The following SLC20A1 variants were observed in gnomAD, a reference collection of about 807,000 sequenced individuals.
SLC20A1 encodes the protein sodium-dependent phosphate transporter 1.
SLC20A1 carries 28 observed loss-of-function variants against 62.7 expected under a neutral mutation model. The observed-to-expected ratio is 0.45, with a 90% CI of 0.33 to 0.61. The LOEUF is 0.61. Ranked by LOEUF, SLC20A1 falls within the 20% of genes least tolerant of loss-of-function variation. SLC20A1 has a pLI of 0.02. For missense variants in SLC20A1, 673 were observed against 838.6 expected (o/e 0.80, Z 2.44); for synonymous variants, 305 against 302.9 (o/e 1.01, Z -0.07).
At position 112,660,468 on chromosome 2, in the gene SLC20A1, G is replaced by T; in HGVS notation, c.1689G>T (p.Trp563Cys). ...CTTCAAAAGTGGCAACACCAATATG[G>T]CTTCTACTCTATGGTGGTGTTGGTA... is the stretch of plus-strand genomic sequence containing the variant. ...DVSSKVATPIWLLLYGGVGIC... is the reference protein window; with the variant it reads ...DVSSKVATPICLLLYGGVGIC... The change falls in exon 9 of 11, where the codon TGG (tryptophan) becomes TGT (cysteine). Residue 563 changes from tryptophan to cysteine, a missense_variant. Transcript: ENST00000272542. The T allele has an allele frequency of 2.5e-6, 4 of 1,614,188 alleles. No homozygotes were observed. Among genetic ancestry groups the T allele is most frequent in the Non-Finnish European group, 3.4e-6 (4 of 1,180,008 alleles).
chr2:112,649,227 A>C (rs1037933367), intron 4 of SLC20A1, among the ~76,000 whole-genome samples: 8 of 152,234 alleles, frequency 5.3e-5, no homozygotes, highest in Non-Finnish European at 7.3e-5. Flanking sequence ...AGATACGGTA[A>C]CTGATTTCTT....
intron 3 of SLC20A1, 62 bp downstream of exon 3, chr2:112,647,526 G>T: frequency 6.3e-7 from 1 of 1,592,168 alleles, no homozygotes; most frequent in Non-Finnish European, 8.6e-7. Context: ...CATGGCATTA[G>T]GTATGGGAGG....
chr2:112,652,127 G>A (rs1050800293), intron 4 of SLC20A1: 1 of 152,922 alleles, frequency 6.5e-6, no homozygotes, highest in African/African-American at 2.4e-5. Context: ...CCTATATTTC[G>A]GTGCCCAGAA....
chr2:112,656,356 C>G (rs1686585754), intron 5 of SLC20A1, among the ~76,000 whole-genome samples: 1 of 151,848 alleles, frequency 6.6e-6, no homozygotes, highest in Non-Finnish European at 1.5e-5. Flanking sequence ...ACCACCATGC[C>G]CGGCTAATTT....
At chr2:112,662,172 C>T (rs1686766784) in intron 10 of SLC20A1, among the ~76,000 whole-genome samples, 1 of 152,182 alleles carries the variant, frequency 6.6e-6, no homozygotes, top group South Asian at 2.1e-4. Context: ...CATCATGGAT[C>T]CTGCTGAGTC....
intron 4 of SLC20A1, chr2:112,652,477 T>A: frequency 3.5e-6 from 2 of 567,746 alleles, no homozygotes; most frequent in Non-Finnish European, 6.2e-6. Context: ...GTACAGTTAG[T>A]CTTGTTATTA....
chr2:112,662,509 G>A (rs1217374386), intron 10 of SLC20A1, among the ~76,000 whole-genome samples: 3 of 152,234 alleles, frequency 2.0e-5, no homozygotes, highest in African/African-American at 4.8e-5. Flanking sequence ...GAAACCAGGA[G>A]GTGGAGGTTG....
chr2:112,652,511 G>A (rs1043816432), intron 4 of SLC20A1, 191 bp from the exon 5 acceptor site: 5 of 587,198 alleles, frequency 8.5e-6, no homozygotes, highest in Admixed American at 3.2e-5. Context: ...AAAAAAACAG[G>A]TAGAAGTTGG....
chr2:112,647,563 C>G, intron 3 of SLC20A1, 90 bp from the exon 4 acceptor site: 3 of 1,576,822 alleles, frequency 1.9e-6, no homozygotes, highest in Non-Finnish European at 2.6e-6. Context: ...AGGGACAGAC[C>G]CAAGAATTTT....
At position 112,663,179 on chromosome 2, in the gene SLC20A1, T is replaced by C; in HGVS notation, c.*154T>C. The C allele has an allele frequency of 1.1e-6, 1 of 890,134 alleles. No homozygotes were observed. Among genetic ancestry groups the C allele is most frequent in the Non-Finnish European group, 1.9e-6 (1 of 535,032 alleles). The allele number at this position is 890,134 out of a possible 1,614,324, so 55.1% of individuals were successfully genotyped here. A position where few individuals can be genotyped will look rare whatever the true frequency, so the allele number is the denominator to read the frequency against. On this transcript the variant is annotated 3_prime_UTR_variant, in exon 11 of 11. Transcript: ENST00000272542. The stretch of plus-strand genomic sequence containing the variant: ...AGTGTTACTTGTGCTATAACTGCTT[T>C]TGTGCTAAATATGAATTGTCTCAAA...
chr2:112,647,548 C>T (rs944903546), intron 3 of SLC20A1, 84 bp downstream of exon 3: 13 of 1,578,014 alleles, frequency 8.2e-6, no homozygotes, highest in Admixed American at 3.4e-5. Flanking sequence ...TGTGTTCTAA[C>T]GTCGAGGGAC....
chr2:112,657,059 T>G, intron 5 of SLC20A1, 63 bp from the exon 6 acceptor site: 1 of 1,606,096 alleles, frequency 6.2e-7, no homozygotes, highest in Non-Finnish European at 8.5e-7. Flanking sequence ...AGAGGAGGGT[T>G]TACACAATAT....
chr2:112,652,574 G>A (rs1383486587), intron 4 of SLC20A1, 128 bp from the exon 5 acceptor site: 12 of 699,524 alleles, frequency 1.7e-5, no homozygotes, highest in Non-Finnish European at 2.9e-5. Context: ...AAACTCTGTT[G>A]TCCTTGGAAA....
Position 112,647,731 on chromosome 2 carries a change from T to G in SLC20A1, c.554T>G (p.Leu185Arg). 5 of 1,613,126 alleles carry G rather than the reference T, an allele frequency of 3.1e-6. No homozygotes were observed. The highest frequency in any genetic ancestry group is 4.2e-6 in the Non-Finnish European group (5 of 1,179,054). ...ILFFLVRAFI[L>R]HKADPVPNGL... ...TTCTTCCTGGTTCGTGCATTCATCC[T>G]CCATAAGGTAACCTTTCTCCCCCGT... is the stretch of plus-strand genomic sequence containing the variant. The change falls in exon 4 of 11, where the codon CTC becomes CGC. Residue 185 changes from leucine (L) to arginine (R), a missense_variant. Physicochemically the swap from Leu to Arg is moderately radical, Grantham distance 102. Transcript: ENST00000272542.
chr2:112,647,569 A>T lies in SLC20A1; in HGVS notation c.476-84A>T, dbSNP rs917850348. On this transcript the variant is annotated intron_variant, in intron 3 of 10. Transcript: ENST00000272542. ...CTAACGTCGAGGGACAGACCCAAGA[A>T]TTTTGAACTCTTAAACATTTAAAGT... The T allele has an allele frequency of 2.5e-6, 4 of 1,576,904 alleles. No homozygotes were observed. In the Admixed American group the frequency reaches 5.0e-5, roughly 20 times the overall value.
At chr2:112,659,818 G>A in intron 8 of SLC20A1, 56 bp downstream of exon 8, 2 of 1,476,492 alleles carry the variant, frequency 1.4e-6, no homozygotes, top group Non-Finnish European at 9.2e-7. Flanking sequence ...ATTTATCCTT[G>A]TCACAGGCCT....
chr2:112,646,335 C>T (rs1173959103), intron 1 of SLC20A1, among the ~76,000 whole-genome samples: 1 of 151,870 alleles, frequency 6.6e-6, no homozygotes, highest in African/African-American at 2.4e-5. Flanking sequence ...TTCCGATTTT[C>T]GCGCGGAGGG....
rs1024943367 is a variant in SLC20A1 at position 112,662,144 on chromosome 2, A to G, written c.1879-720A>G. ...GAGAAGGAAGAAACTGGTTTCCTTA[A>G]GAGCATTTAAGCTGGTCCATCATGG... On this transcript the variant is annotated intron_variant, in intron 10 of 10. Transcript: ENST00000272542. 4.6e-5 allele frequency among the ~76,000 whole-genome samples: 7 copies of G among 152,352 alleles called. No homozygotes were observed. The East Asian group carries it at 7.7e-4, about 17-fold the overall frequency.
intron 5 of SLC20A1, among the ~76,000 whole-genome samples, chr2:112,655,245 A>G (rs1212463728): frequency 6.6e-6 from 1 of 152,068 alleles, no homozygotes; most frequent in Non-Finnish European, 1.5e-5. Context: ...CTGGGATTAC[A>G]GGCGTGAGCT....
Sources: allele counts gnomAD v4.1 joint callset (sites outside exome capture counted in the v4.1 genomes callset), GRCh38; gene constraint gnomAD v4.1.1; transcripts MANE v1.5; gene names NCBI Gene and HGNC (gene_info 2026-07-23, HGNC 2026-07-21).